The following GALNT16 variants were observed in gnomAD, a reference collection of about 807,000 sequenced individuals.
GALNT16 encodes the protein UDP-GalNAc:polypeptide N-acetylgalactosaminyltransferase-like protein 1.
GALNT16 carries 40 observed loss-of-function variants against 76.1 expected under a neutral mutation model. That is an observed-to-expected ratio of 0.53 (90% CI 0.41 to 0.68). The LOEUF (loss-of-function observed/expected upper bound fraction) is 0.68. Ranked by LOEUF, GALNT16 falls within the 30% of genes least tolerant of loss-of-function variation. The pLI, the probability that GALNT16 is intolerant of heterozygous loss-of-function variation, is 0.00. For missense variants in GALNT16, 621 were observed against 731.9 expected (o/e 0.85, Z 1.75); for synonymous variants, 276 against 285.2 (o/e 0.97, Z 0.32).
At chr14:69,370,514 AG>A in the GALNT16 span, among the ~76,000 whole-genome samples, 1 of 152,220 alleles carries the variant, frequency 6.6e-6, no homozygotes, top group Non-Finnish European at 1.5e-5. Context: ...GCAGTAGCCA[AG>A]ATAGGATATA....
At chr14:69,288,496 A>T (rs188233948) in intron 1 of GALNT16, among the ~76,000 whole-genome samples, 1 of 152,180 alleles carries the variant, frequency 6.6e-6, no homozygotes, top group South Asian at 2.1e-4. Flanking sequence ...CTCTCCCACC[A>T]GTAACCCTGG....
intron 1 of GALNT16, among the ~76,000 whole-genome samples, chr14:69,277,644 T>C (rs1457456477): frequency 2.6e-5 from 4 of 152,248 alleles, no homozygotes; most frequent in Admixed American, 2.6e-4. Context: ...TTGGGTTGGT[T>C]CCAAGTCTTT....
At chr14:69,341,792 C>A (rs1361376961) in intron 12 of GALNT16, 28 bp downstream of exon 12, 2 of 1,547,884 alleles carry the variant, frequency 1.3e-6, no homozygotes, top group African/African-American at 1.4e-5. Flanking sequence ...CTTGTGCATC[C>A]CCCAGGCGGG....
At chr14:69,290,319 C>T (rs1490323625) in intron 1 of GALNT16, among the ~76,000 whole-genome samples, 2 of 152,154 alleles carry the variant, frequency 1.3e-5, no homozygotes, top group African/African-American at 2.4e-5. Flanking sequence ...CCCTTTGCCT[C>T]AGGAAACCAA....
At chr14:69,268,822 G>C (rs931553207) in intron 1 of GALNT16, among the ~76,000 whole-genome samples, 4 of 152,264 alleles carry the variant, frequency 2.6e-5, no homozygotes, top group Non-Finnish European at 5.9e-5. Flanking sequence ...GGCATGCAAA[G>C]AGAGAGTGAG....
intron 12 of GALNT16, among the ~76,000 whole-genome samples, chr14:69,343,100 C>A (rs762200806): frequency 2.0e-5 from 3 of 152,194 alleles, no homozygotes; most frequent in Non-Finnish European, 4.4e-5. Flanking sequence ...TTTAATGGAA[C>A]AAGTTGCACA....
At chr14:69,259,798 GT>G (rs560316052), upstream of GALNT16, 35 of 158,262 alleles carry the variant, frequency 2.2e-4, no homozygotes, top group South Asian at 6.7e-3. Flanking sequence ...CGGTCCGGGG[GT>G]GGGTGTGGGT....
intron 1 of GALNT16, among the ~76,000 whole-genome samples, chr14:69,285,836 C>A (rs192781417): frequency 2.1e-4 from 32 of 152,274 alleles, no homozygotes; most frequent in African/African-American, 7.5e-4. Context: ...TACCCCCTAC[C>A]CCTCACTAGC....
chr14:69,297,125 T>C lies in GALNT16; in HGVS notation c.178-23586T>C, dbSNP rs572427697. Among the ~76,000 whole-genome samples, 3 of 152,364 alleles carry C rather than the reference T, an allele frequency of 2.0e-5. No homozygotes were observed. The East Asian group carries it at 5.8e-4, about 29-fold the overall frequency. ...CATTGCCTTGTACATATGTCATTCA[T>C]CATGCAAAATATCTATAGGATATAT... On this transcript the variant is annotated intron_variant, in intron 1 of 14. Coordinates refer to ENST00000448469, the MANE Select transcript of GALNT16 (RefSeq NM_001168368.2).
the GALNT16 span, among the ~76,000 whole-genome samples, chr14:69,367,806 T>C: frequency 1.3e-5 from 2 of 151,988 alleles, no homozygotes; most frequent in East Asian, 1.9e-4. Context: ...TTGGGCAACA[T>C]AGGGAGACCC....
chr14:69,264,881 A>G (rs907992007), intron 1 of GALNT16, among the ~76,000 whole-genome samples: 13 of 130,804 alleles, frequency 9.9e-5, no homozygotes, highest in African/African-American at 3.7e-4. Flanking sequence ...TGGCACAGTC[A>G]TGATTCACTG....
chr14:69,303,861 A>T (rs1349503517), intron 1 of GALNT16, among the ~76,000 whole-genome samples: 1 of 152,210 alleles, frequency 6.6e-6, no homozygotes, highest in African/African-American at 2.4e-5. Context: ...AGGTATAATT[A>T]TTCAGCAAGA....
chr14:69,316,309 C>T (rs1201233989), intron 1 of GALNT16, among the ~76,000 whole-genome samples: 1 of 152,178 alleles, frequency 6.6e-6, no homozygotes, highest in East Asian at 1.9e-4. Flanking sequence ...TATTCAGTAG[C>T]TATTGTTTTT....
At chr14:69,384,738 CA>C in the GALNT16 span, among the ~76,000 whole-genome samples, 1 of 152,044 alleles carries the variant, frequency 6.6e-6, no homozygotes, top group Non-Finnish European at 1.5e-5. Flanking sequence ...TTTATATAAC[CA>C]ATATTTACTC....
chr14:69,384,834 T>C, the GALNT16 span, among the ~76,000 whole-genome samples: 60 of 152,374 alleles, frequency 3.9e-4, no homozygotes, highest in Non-Finnish European at 5.9e-4. Context: ...ATACACATTA[T>C]TGGTAATTTC....
chr14:69,325,228 T>G, intron 3 of GALNT16, 109 bp from the exon 4 acceptor site: 1 of 762,220 alleles, frequency 1.3e-6, no homozygotes. Context: ...GCGCCCAGCA[T>G]GCTGGCCCTG....
chr14:69,260,183 A>G lies in GALNT16; in HGVS notation c.-108A>G. ...CTCCTTTTTCTGCTCTGCAGGACTG[A>G]GCAGCTAGGCGCGAGCGAAAACAAA... On this transcript the variant is annotated 5_prime_UTR_variant, in exon 1 of 15. Coordinates refer to ENST00000448469, the MANE Select transcript of GALNT16 (RefSeq NM_001168368.2). The G allele has an allele frequency of 2.3e-6, 1 of 426,882 alleles. No homozygotes were observed. The highest frequency in any genetic ancestry group is 4.4e-6 in the Non-Finnish European group (1 of 228,736). 26.4% of individuals were successfully genotyped at this position (426,882 alleles called of 1,614,324 possible).
chr14:69,271,725 A>G (rs1232159299), intron 1 of GALNT16, among the ~76,000 whole-genome samples: 2 of 152,250 alleles, frequency 1.3e-5, no homozygotes, highest in Admixed American at 6.5e-5. Flanking sequence ...AATGTTTAGA[A>G]CTTCGGTATG....
chr14:69,286,145 T>C (rs1017568522), intron 1 of GALNT16, among the ~76,000 whole-genome samples: 8 of 151,962 alleles, frequency 5.3e-5, no homozygotes, highest in Non-Finnish European at 1.0e-4. Flanking sequence ...GCAGAACTCA[T>C]AGGGTAGGAC....
Sources: allele counts gnomAD v4.1 joint callset (sites outside exome capture counted in the v4.1 genomes callset), GRCh38; gene constraint gnomAD v4.1.1; transcripts MANE v1.5; gene names NCBI Gene and HGNC (gene_info 2026-07-23, HGNC 2026-07-21).